Variants in CNBD1 observed in about 807,000 individuals in gnomAD.
CNBD1 encodes the protein cyclic nucleotide binding domain containing 1, also known as cyclic nucleotide-binding domain-containing protein 1.
CNBD1 carries 71 observed loss-of-function variants against 54.4 expected under a neutral mutation model. That is an observed-to-expected ratio of 1.30 (90% confidence interval 1.08 to 1.59). The LOEUF (loss-of-function observed/expected upper bound fraction) is 1.59, where lower values mean the gene tolerates loss of function less well. Ranked by LOEUF, CNBD1 falls within the 40% of genes most tolerant of loss-of-function variation. The pLI, the probability that CNBD1 is intolerant of heterozygous loss-of-function variation, is 0.00. For synonymous variants in CNBD1, 182 were observed against 170.7 expected, an observed-to-expected ratio of 1.07 and a Z score of -0.51; for missense variants, 659 against 518.0, an observed-to-expected ratio of 1.27 and a Z score of -2.64.
intron 2 of CNBD1, among the ~76,000 whole-genome samples, chr8:87,418,581 A>T (rs904121905): frequency 2.6e-5 from 4 of 151,962 alleles, no homozygotes; most frequent in African/African-American, 9.7e-5. Flanking sequence ...ATGACCTACA[A>T]AAAAGGAAAA....
intron 3 of CNBD1, among the ~76,000 whole-genome samples, chr8:86,922,426 G>A (rs935247124): frequency 1.3e-5 from 2 of 152,048 alleles, no homozygotes; most frequent in Non-Finnish European, 2.9e-5. Flanking sequence ...GTTTTATGAA[G>A]GAAGGAAGAA....
chr8:87,067,955 A>C (rs1400908906), intron 4 of CNBD1, among the ~76,000 whole-genome samples: 1 of 152,028 alleles, frequency 6.6e-6, no homozygotes, highest in Non-Finnish European at 1.5e-5. Context: ...GAAAATAATT[A>C]TCTAAAAAAT....
intron 4 of CNBD1, among the ~76,000 whole-genome samples, chr8:87,020,188 G>A (rs950971679): frequency 4.0e-5 from 6 of 151,654 alleles, no homozygotes; most frequent in African/African-American, 1.5e-4. Flanking sequence ...TTAAAGACTC[G>A]AATCATAATA....
chr8:87,258,540 C>G (rs1259227243), intron 6 of CNBD1, among the ~76,000 whole-genome samples: 1 of 152,040 alleles, frequency 6.6e-6, no homozygotes, highest in African/African-American at 2.4e-5. Context: ...ATCTGCCCTC[C>G]TCAGCCTCCC....
intron 4 of CNBD1, among the ~76,000 whole-genome samples, chr8:87,028,380 C>G (rs1355011183): frequency 2.0e-5 from 3 of 152,160 alleles, no homozygotes; most frequent in Non-Finnish European, 4.4e-5. Context: ...GACTCCCAGT[C>G]CTTGGCAGCT....
intron 4 of CNBD1, among the ~76,000 whole-genome samples, chr8:87,105,980 C>G (rs1028385281): frequency 6.6e-6 from 1 of 152,128 alleles, no homozygotes; most frequent in Non-Finnish European, 1.5e-5. Context: ...TTTGATAACG[C>G]TGACCCTTGA....
chr8:87,327,644 C>T (rs529799537), intron 8 of CNBD1, among the ~76,000 whole-genome samples: 1 of 152,190 alleles, frequency 6.6e-6, no homozygotes, highest in African/African-American at 2.4e-5. Context: ...TGAGGCAGTG[C>T]CTCGCCCTGC....
At chr8:87,091,558 C>A (rs1392126677) in intron 4 of CNBD1, among the ~76,000 whole-genome samples, 3 of 152,168 alleles carry the variant, frequency 2.0e-5, no homozygotes, top group Non-Finnish European at 2.9e-5. Flanking sequence ...ACTCTTGAGT[C>A]TTTTTCTATA....
At chr8:87,193,492 C>A (rs2130787611) in intron 4 of CNBD1, among the ~76,000 whole-genome samples, 1 of 152,280 alleles carries the variant, frequency 6.6e-6, no homozygotes, top group East Asian at 1.9e-4. Flanking sequence ...CAAATAAATT[C>A]ACTTCCAATT....
rs1586271950 is a variant in CNBD1, at chr8:87,123,110, T to C, written c.432-82883T>C. 2.6e-5 allele frequency among the ~76,000 whole-genome samples: 4 copies of C among 151,950 alleles called. No individual in the cohort carries two copies. In the East Asian group the frequency reaches 5.8e-4, roughly 22 times the overall value. ...CATTGGAATTTTGACAGAGAATGCATTGAATTTATAAATCACTTTGGGCAG... is the reference window on the plus strand; with the variant it reads ...CATTGGAATTTTGACAGAGAATGCACTGAATTTATAAATCACTTTGGGCAG... On this transcript the variant is annotated intron_variant, in intron 4 of 10. Coordinates refer to ENST00000518476, the MANE Select transcript of CNBD1 (RefSeq NM_173538.3).
At position 87,028,404 on chromosome 8, in the gene CNBD1, T is replaced by C. The variant is rs532286785; in HGVS notation, c.431+88650T>C. ...TCCTTGGCAGCTGAACCATGAGCAATGCTTTTCAAGTCAGGGAATGAAAAT... is the reference window on the plus strand; with the variant it reads ...TCCTTGGCAGCTGAACCATGAGCAACGCTTTTCAAGTCAGGGAATGAAAAT... On this transcript the variant is annotated intron_variant, in intron 4 of 10. Coordinates refer to ENST00000518476, the MANE Select transcript of CNBD1 (RefSeq NM_173538.3). Among the ~76,000 whole-genome samples, 7 of 152,288 alleles carry C rather than the reference T, an allele frequency of 4.6e-5. No individual in the cohort carries two copies. The South Asian group carries it at 1.5e-3, about 32-fold the overall frequency.
chr8:87,298,558 C>T (rs1336156450), intron 8 of CNBD1, among the ~76,000 whole-genome samples: 2 of 149,258 alleles, frequency 1.3e-5, no homozygotes, highest in Middle Eastern at 3.6e-3. Context: ...AATCTTGGCT[C>T]ACTGCAACCT....
At chr8:87,320,422 T>A (rs7016932) in intron 8 of CNBD1, among the ~76,000 whole-genome samples, 1 of 152,090 alleles carries the variant, frequency 6.6e-6, no homozygotes, top group Admixed American at 6.6e-5. Flanking sequence ...AAAACATTAC[T>A]GAGACTATCT....
intron 8 of CNBD1, among the ~76,000 whole-genome samples, chr8:87,313,552 G>T (rs1355962838): frequency 6.6e-6 from 1 of 151,830 alleles, no homozygotes; most frequent in Non-Finnish European, 1.5e-5. Context: ...TTAATGCATG[G>T]AACCATAGAA....
At chr8:87,033,608 C>G (rs1809841890) in intron 4 of CNBD1, among the ~76,000 whole-genome samples, 1 of 152,164 alleles carries the variant, frequency 6.6e-6, no homozygotes, top group Non-Finnish European at 1.5e-5. Flanking sequence ...GTAGAGTTAG[C>G]CTGCCCCTTC....
intron 8 of CNBD1, among the ~76,000 whole-genome samples, chr8:87,342,723 T>G (rs1810092143): frequency 6.6e-6 from 1 of 152,042 alleles, no homozygotes; most frequent in East Asian, 1.9e-4. Context: ...TTATTAGGGA[T>G]TTCAGAAGGG....
Position 87,341,208 on chromosome 8 carries a change from G to C in CNBD1, c.1043-10477G>C, listed in dbSNP as rs10095220. Among the ~76,000 whole-genome samples, 47 of 151,946 alleles carry C rather than the reference G, an allele frequency of 3.1e-4. 1 individual carries two copies. Among genetic ancestry groups the C allele is most frequent in the Middle Eastern group, 3.4e-3 (1 of 292 alleles). On this transcript the variant is annotated intron_variant, in intron 8 of 10. Coordinates refer to ENST00000518476, the MANE Select transcript of CNBD1 (RefSeq NM_173538.3). The stretch of plus-strand genomic sequence containing the variant: ...CTCTTGCTCTCCCTAGTGTCTGCTT[G>C]TTGTAGCACTGGTCCTCTGGAGAAG...
chr8:87,240,575 C>G (rs1033525451), intron 6 of CNBD1, among the ~76,000 whole-genome samples: 1 of 152,130 alleles, frequency 6.6e-6, no homozygotes, highest in Admixed American at 6.6e-5. Flanking sequence ...TGATACTCAG[C>G]TTATGCCTTA....
At chr8:87,370,962 C>T (rs1387239603) in intron 10 of CNBD1, among the ~76,000 whole-genome samples, 1 of 150,794 alleles carries the variant, frequency 6.6e-6, no homozygotes, top group Non-Finnish European at 1.5e-5. Context: ...CCAGTTTTCC[C>T]AGCACCATTT....
Sources: gnomAD v4.1 joint callset for allele counts (sites outside exome capture counted in the v4.1 genomes callset) on GRCh38, gnomAD v4.1.1 for gene constraint, MANE v1.5 for transcripts, NCBI Gene and HGNC (gene_info 2026-07-23, HGNC 2026-07-21) for gene names.